Variants in CNTLN observed in about 807,000 individuals in gnomAD.
The protein encoded by CNTLN is centlein, also known as centlein, centrosomal protein.
CNTLN carries 212 observed loss-of-function variants against 180.0 expected under a neutral mutation model. That is an observed-to-expected ratio of 1.18 (90% CI 1.05 to 1.32). CNTLN has a LOEUF of 1.32. CNTLN is among the 40% of genes most tolerant of loss of function. CNTLN has a pLI of 0.00. For missense variants in CNTLN, 2,095 were observed against 1,610.9 expected, an observed-to-expected ratio of 1.30 and a Z score of -5.14; for synonymous variants, 722 against 563.1, an observed-to-expected ratio of 1.28 and a Z score of -3.99.
At chr9:17,368,977 A>C (rs958748411) in intron 13 of CNTLN, among the ~76,000 whole-genome samples, 11 of 152,232 alleles carry the variant, frequency 7.2e-5, no homozygotes, top group African/African-American at 2.7e-4. Context: ...TTGTATTCCC[A>C]GACACCAGCA....
chr9:17,222,225 G>T (rs369347795), intron 2 of CNTLN, among the ~76,000 whole-genome samples: 8 of 151,994 alleles, frequency 5.3e-5, no homozygotes, highest in African/African-American at 1.5e-4. Context: ...GTACTTTTCA[G>T]TATTTCTGTG....
chr9:17,432,827 C>T (rs1429416730), intron 18 of CNTLN, among the ~76,000 whole-genome samples: 1 of 152,020 alleles, frequency 6.6e-6, no homozygotes, highest in Non-Finnish European at 1.5e-5. Flanking sequence ...CGAGACCAGC[C>T]TGACCAACAT....
chr9:17,207,742 C>G (rs777694734), intron 2 of CNTLN, among the ~76,000 whole-genome samples: 1 of 152,066 alleles, frequency 6.6e-6, no homozygotes, highest in East Asian at 1.9e-4. Flanking sequence ...CCACCTTCTG[C>G]GTTGGTCTCG....
chr9:17,298,254 G>A lies in CNTLN; in HGVS notation c.1048G>A (p.Glu350Lys), dbSNP rs1397391369. 1.2e-5 allele frequency: 19 copies of A among 1,613,066 alleles called. No individual in the cohort carries two copies. In the Admixed American group the frequency reaches 3.0e-4, roughly 26 times the overall value. Residue 350 changes from glutamate to lysine, a missense_variant, in exon 7 of 26, where the codon GAG (glutamate) becomes AAG (lysine). Physicochemically the swap from Glu to Lys is moderately conservative, Grantham distance 56. Coordinates refer to ENST00000380647, the MANE Select transcript of CNTLN (RefSeq NM_017738.4). ...CAGTACACATACAGCCCAGCAAGCA[G>A]AGCTGATCCAGCAGCTTCAGGTTCT... The part of the protein sequence containing the change: ...QNSTHTAQQA[E>K]LIQQLQVLNM...
intron 2 of CNTLN, among the ~76,000 whole-genome samples, chr9:17,175,570 G>A (rs1457903361): frequency 6.6e-6 from 1 of 152,084 alleles, no homozygotes; most frequent in African/African-American, 2.4e-5. Flanking sequence ...CTTAAAATCT[G>A]CTAGAATGAT....
intron 2 of CNTLN, among the ~76,000 whole-genome samples, chr9:17,178,346 T>A (rs1156917787): frequency 1.3e-5 from 2 of 152,184 alleles, no homozygotes; most frequent in Non-Finnish European, 2.9e-5. Context: ...CCAGCTGGCT[T>A]CACCCAGTGG....
rs529776585 is a variant in CNTLN at position 17,491,241 on chromosome 9, A to G, written c.4119+4175A>G. On this transcript the variant is annotated intron_variant, in intron 25 of 25. Coordinates refer to ENST00000380647, the MANE Select transcript of CNTLN (RefSeq NM_017738.4). ...TCGGGAATCATTAAAAAATATATAT[A>G]TGAGTACCTTCTACATGCCAGGTAT... Among the ~76,000 whole-genome samples, 132 of 152,198 alleles carry G rather than the reference A, an allele frequency of 8.7e-4. 2 individuals carry two copies. In the South Asian group the frequency reaches 0.021, roughly 24 times the overall value.
intron 12 of CNTLN, among the ~76,000 whole-genome samples, chr9:17,355,860 C>A (rs1026943372): frequency 3.3e-5 from 5 of 151,268 alleles, no homozygotes; most frequent in Admixed American, 2.6e-4. Context: ...GTTAAGAGAT[C>A]GAGACCATCC....
rs1229526736 is a variant in CNTLN, at chr9:17,466,760, G to T, written c.3724G>T (p.Ala1242Ser). The change falls in exon 23 of 26, where the codon GCA (alanine) becomes TCA (serine). Residue 1242 changes from alanine to serine, a missense_variant. Transcript: ENST00000380647. ...SRISETESAMAEIETAASKQL... is the reference protein window; with the variant it reads ...SRISETESAMSEIETAASKQL... ...AATAAGTGAGACTGAATCTGCAATG[G>T]CAGAAATTGAAACAGCAGCATCTAA... 1 of 1,610,594 alleles carries T rather than the reference G, an allele frequency of 6.2e-7. No individual in the cohort carries two copies. Among genetic ancestry groups the T allele is most frequent in the East Asian group, 2.2e-5 (1 of 44,726 alleles).
intron 8 of CNTLN, among the ~76,000 whole-genome samples, chr9:17,327,520 T>TA (rs1820385810): frequency 6.7e-6 from 1 of 149,672 alleles, no homozygotes; most frequent in African/African-American, 2.5e-5. Flanking sequence ...GTCTGAGAGA[T>TA]ATATCACAAA....
intron 23 of CNTLN, among the ~76,000 whole-genome samples, chr9:17,474,772 G>A (rs565662829): frequency 1.0e-3 from 157 of 151,950 alleles, no homozygotes; most frequent in African/African-American, 2.7e-3. Context: ...GGAGGCTGAG[G>A]CAGGAGAATT....
chr9:17,149,242 A>G (rs925375720), intron 2 of CNTLN, among the ~76,000 whole-genome samples: 4 of 151,760 alleles, frequency 2.6e-5, no homozygotes, highest in East Asian at 1.9e-4. Context: ...GTTGGTTCCA[A>G]CTCTTTGCTA....
intron 5 of CNTLN, among the ~76,000 whole-genome samples, chr9:17,257,594 C>A (rs935292131): frequency 2.6e-5 from 4 of 151,376 alleles, no homozygotes; most frequent in Non-Finnish European, 5.9e-5. Flanking sequence ...GTCCCACCAA[C>A]AGTGTAAAAG....
intron 2 of CNTLN, among the ~76,000 whole-genome samples, chr9:17,181,409 C>G (rs976872821): frequency 6.6e-5 from 10 of 152,178 alleles, no homozygotes; most frequent in African/African-American, 2.4e-4. Context: ...CTTTCTGTTT[C>G]TTTGCTGAGG....
intron 5 of CNTLN, among the ~76,000 whole-genome samples, chr9:17,257,426 G>A (rs1018437640): frequency 1.4e-4 from 21 of 152,018 alleles, no homozygotes; most frequent in Non-Finnish European, 2.1e-4. Context: ...GAATAATGCC[G>A]CAGTAAACAT....
At chr9:17,521,402 G>A in the CNTLN span, among the ~76,000 whole-genome samples, 1 of 152,080 alleles carries the variant, frequency 6.6e-6, no homozygotes, top group Non-Finnish European at 1.5e-5. Flanking sequence ...TCTGTAACAA[G>A]CTGAACAGAA....
chr9:17,448,180 A>G, intron 18 of CNTLN: 1 of 205,284 alleles, frequency 4.9e-6, no homozygotes, highest in South Asian at 1.0e-4. Flanking sequence ...AGTTACTTCA[A>G]AGGTAACATC....
Position 17,500,966 on chromosome 9 carries a change from C to T in CNTLN, c.4120-1585C>T, listed in dbSNP as rs564976417. On this transcript the variant is annotated intron_variant, in intron 25 of 25. Transcript: ENST00000380647. ...AGCAATTTGTCAAAATTAAAGCGTA[C>T]TGCTTTTATCATTATCCTCCATAAG... 2.0e-5 allele frequency among the ~76,000 whole-genome samples: 3 copies of T among 152,258 alleles called. No individual in the cohort carries two copies. In the South Asian group the frequency reaches 6.2e-4, roughly 32 times the overall value.
chr9:17,462,980 C>G lies in CNTLN; in HGVS notation c.3371C>G (p.Ala1124Gly), dbSNP rs200095100. The change falls in exon 20 of 26, where the codon GCA becomes GGA. Residue 1124 changes from alanine (A) to glycine (G), a missense_variant. By Grantham distance (60) the Ala-to-Gly change is moderately conservative. Transcript: ENST00000380647. ...NVKTLKFELL[A>G]KEEHIKEMHE... ...AAGACTTTGAAATTTGAACTCCTAG[C>G]AAAAGAAGAACACATAAAGGAAATG... is the stretch of plus-strand genomic sequence containing the variant. 527 of 1,584,316 alleles carry G rather than the reference C, an allele frequency of 3.3e-4. No individual in the cohort carries two copies. The highest frequency in any genetic ancestry group is 4.2e-4 in the Non-Finnish European group (495 of 1,167,996).
Sources: allele counts gnomAD v4.1 joint callset (sites outside exome capture counted in the v4.1 genomes callset), GRCh38; gene constraint gnomAD v4.1.1; transcripts MANE v1.5; gene names NCBI Gene and HGNC (gene_info 2026-07-23, HGNC 2026-07-21).